The following OR1L8 variants were observed in gnomAD, a reference collection of about 807,000 sequenced individuals.
The protein encoded by OR1L8 is olfactory receptor family 1 subfamily L member 8.
For missense variants in OR1L8, 330 were observed against 377.4 expected, an observed-to-expected ratio of 0.87 and a Z score of 1.04; for synonymous variants, 148 against 147.0, an observed-to-expected ratio of 1.01 and a Z score of -0.05.
intron 4 of OR1L8, among the ~76,000 whole-genome samples, chr9:122,571,771 G>T (rs958096738): frequency 6.6e-6 from 1 of 151,594 alleles, no homozygotes; most frequent in Non-Finnish European, 1.5e-5. Flanking sequence ...GTGTAGGGTT[G>T]TAGTGGTGCA....
chr9:122,573,847 TG>T (rs1829595002), intron 3 of OR1L8, among the ~76,000 whole-genome samples: 1 of 152,236 alleles, frequency 6.6e-6, no homozygotes, highest in Admixed American at 6.5e-5. Context: ...TTTTCTCTTA[TG>T]TTATCCTCTA....
At chr9:122,574,916 G>GA (rs1829623622) in intron 3 of OR1L8, among the ~76,000 whole-genome samples, 1 of 151,912 alleles carries the variant, frequency 6.6e-6, no homozygotes, top group Non-Finnish European at 1.5e-5. Flanking sequence ...GATGGGTGTT[G>GA]GAGTTTGTCA....
At chr9:122,580,656 A>G (rs1432029065) in intron 1 of OR1L8, among the ~76,000 whole-genome samples, 5 of 152,192 alleles carry the variant, frequency 3.3e-5, no homozygotes, top group African/African-American at 9.7e-5. Flanking sequence ...TTCTAAGTCT[A>G]CTGATAACAT....
At position 122,578,405 on chromosome 9, in the gene OR1L8, T is replaced by TG. The variant is rs952487877; in HGVS notation, c.-560dup. On this transcript the variant is annotated 5_prime_UTR_variant, in exon 2 of 5. It introduces an in-frame stop codon into an upstream open reading frame of the 5' UTR. Transcript: ENST00000641027. ...CGGAGATTGCAGTGAGTTGAGATCA[T>TG]GCCACGGCACTCCAGCCTGGGCGAC... 1 of 144,532 alleles carries TG rather than the reference T, an allele frequency of 6.9e-6. No homozygotes were observed. The highest frequency in any genetic ancestry group is 2.6e-5 in the African/African-American group (1 of 38,412). 9.0% of individuals were successfully genotyped at this position (144,532 alleles called of 1,614,324 possible). A position where few individuals can be genotyped will look rare whatever the true frequency, so the allele number is the denominator to read the frequency against.
In OR1L8 at chr9:122,571,215, G is replaced by A. The variant is rs530779197; in HGVS notation, c.-213+1565C>T. On this transcript the variant is annotated intron_variant, in intron 4 of 4. Coordinates refer to ENST00000641027, the MANE Select transcript of OR1L8 (RefSeq NM_001004454.2). ...GTGGTACAGATGGTGGGATTTGAAA[G>A]CTTGAACACTAATGAGGGACTGGTC... Among the ~76,000 whole-genome samples, 173 of 152,210 alleles carry A rather than the reference G, an allele frequency of 1.1e-3. 2 individuals carry two copies. The highest frequency in any genetic ancestry group is 2.1e-3 in the Non-Finnish European group (146 of 68,030).
At chr9:122,551,117 A>G in the OR1L8 span, among the ~76,000 whole-genome samples, 3,792 of 152,282 alleles carry the variant, frequency 0.025, 275 homozygotes, top group East Asian at 0.29. Flanking sequence ...ACTAATAACA[A>G]TCAAGCTGAG....
the OR1L8 span, among the ~76,000 whole-genome samples, chr9:122,552,703 C>G: frequency 6.7e-6 from 1 of 149,858 alleles, no homozygotes; most frequent in Admixed American, 6.7e-5. Context: ...GGGGAGGAAG[C>G]TATCTTGTCT....
chr9:122,577,173 C>G (rs961215731), intron 2 of OR1L8, among the ~76,000 whole-genome samples: 1 of 152,058 alleles, frequency 6.6e-6, no homozygotes, highest in Non-Finnish European at 1.5e-5. Context: ...TTTCTATGAC[C>G]TAGTCTTTTT....
intron 3 of OR1L8, among the ~76,000 whole-genome samples, chr9:122,576,223 A>C (rs561981936): frequency 6.6e-6 from 1 of 150,518 alleles, no homozygotes; most frequent in Non-Finnish European, 1.5e-5. Context: ...TCTTTTTTAC[A>C]TTTTTTTTTA....
chr9:122,560,793 T>A, the OR1L8 span, among the ~76,000 whole-genome samples: 1 of 152,158 alleles, frequency 6.6e-6, no homozygotes, highest in Non-Finnish European at 1.5e-5. Flanking sequence ...GAGAATTTGA[T>A]GATTATGTGT....
At chr9:122,550,706 A>G in the OR1L8 span, among the ~76,000 whole-genome samples, 1 of 152,132 alleles carries the variant, frequency 6.6e-6, no homozygotes, top group African/African-American at 2.4e-5. Flanking sequence ...ATATCCCTTC[A>G]TGATAAAAAT....
intron 3 of OR1L8, among the ~76,000 whole-genome samples, chr9:122,575,620 A>C (rs1051417019): frequency 6.6e-6 from 1 of 152,158 alleles, no homozygotes; most frequent in Non-Finnish European, 1.5e-5. Flanking sequence ...GAAGCTTATC[A>C]ATTTTTAAAA....
At chr9:122,548,947 T>C in the OR1L8 span, among the ~76,000 whole-genome samples, 5 of 152,138 alleles carry the variant, frequency 3.3e-5, no homozygotes, top group Admixed American at 2.6e-4. Flanking sequence ...TTATTTCTTT[T>C]GCTGTGCAGA....
In OR1L8 at chr9:122,567,608, G is replaced by C. The variant is rs1829451700; in HGVS notation, c.870C>G (p.Tyr290Ter). Reference protein sequence around the residue: ...VLSSMLNPFIYSLRNKDLKQG... With the variant: ...VLSSMLNPFI ...GTTTCAGGTCTTTGTTTCTCAGGCTGTAGATAAAAGGATTGAGCATGGATG... is the reference window on the plus strand; with the variant it reads ...GTTTCAGGTCTTTGTTTCTCAGGCTCTAGATAAAAGGATTGAGCATGGATG... The change falls in exon 5 of 5, where the codon TAC becomes TAG. Residue 290 changes from tyrosine to a stop codon, truncating the protein, a stop_gained. Transcript: ENST00000641027. LOFTEE classifies it high-confidence loss of function. The C allele has an allele frequency of 6.2e-7, 1 of 1,612,686 alleles. No homozygotes were observed.
chr9:122,553,397 G>T, the OR1L8 span: 5 of 1,614,024 alleles, frequency 3.1e-6, no homozygotes, highest in Admixed American at 6.7e-5. Context: ...ATACTCCCAT[G>T]TACTTCTTTC....
rs1829446856 is a variant in OR1L8, at chr9:122,567,393, G to A, written c.*155C>T. 1 of 542,744 alleles carries A rather than the reference G, an allele frequency of 1.8e-6. No homozygotes were observed. Among genetic ancestry groups the A allele is most frequent in the Non-Finnish European group, 3.2e-6 (1 of 311,678 alleles). 33.6% of individuals were successfully genotyped at this position (542,744 alleles called of 1,614,324 possible). On this transcript the variant is annotated 3_prime_UTR_variant, in exon 5 of 5. Coordinates refer to ENST00000641027, the MANE Select transcript of OR1L8 (RefSeq NM_001004454.2). ...TTAAGAGATACAGGCCGAATTGTTGGGTCATCATCAATGGATGTAAGTGCC... is the reference window on the plus strand; with the variant it reads ...TTAAGAGATACAGGCCGAATTGTTGAGTCATCATCAATGGATGTAAGTGCC...
At chr9:122,569,665 AT>A (rs1201776544) in intron 4 of OR1L8, among the ~76,000 whole-genome samples, 1 of 20,858 alleles carries the variant, frequency 4.8e-5, no homozygotes, top group African/African-American at 1.8e-4. Context: ...ACTTCATTTT[AT>A]TTTATTTTAT....
chr9:122,564,011 A>G (rs569136699), downstream of OR1L8, among the ~76,000 whole-genome samples: 51 of 152,224 alleles, frequency 3.4e-4, 1 homozygote, highest in African/African-American at 6.7e-4. Context: ...CTATAGCTTT[A>G]TAGTATGTTT....
At chr9:122,581,001 C>G (rs1222188888) in intron 1 of OR1L8, among the ~76,000 whole-genome samples, 1 of 152,096 alleles carries the variant, frequency 6.6e-6, no homozygotes, top group Middle Eastern at 3.2e-3. Flanking sequence ...CAGTGTCTCT[C>G]TAAGGCCAGC....
Sources: allele counts gnomAD v4.1 joint callset (sites outside exome capture counted in the v4.1 genomes callset), GRCh38; gene constraint gnomAD v4.1.1; transcripts MANE v1.5; gene names NCBI Gene and HGNC (gene_info 2026-07-23, HGNC 2026-07-21).